B3GNT5: variants seen among roughly 807,000 people sequenced by gnomAD.
B3GNT5 encodes UDP-GlcNAc:betaGal beta-1,3-N-acetylglucosaminyltransferase 5.
Under a neutral mutation model 25.9 loss-of-function variants are expected in B3GNT5, and 11 were observed. The observed-to-expected ratio is 0.42, with a 90% CI of 0.27 to 0.70. The LOEUF is 0.70. Among genes scored for constraint, B3GNT5 ranks in the 30% least tolerant of loss-of-function variants. The probability of loss-of-function intolerance (pLI) is 0.23; values close to 1 mark genes in which losing one functional copy is unlikely to be tolerated. For synonymous variants in B3GNT5, 166 were observed against 158.6 expected (o/e 1.05, Z -0.35); for missense variants, 385 against 458.4 (o/e 0.84, Z 1.46).
Position 183,272,983 on chromosome 3 carries a change from T to G in B3GNT5, c.*2048T>G. ...AACAAGTTTAAATTTCAAGGAAATA[T>G]GAAGGCACTTCCTTTTTTTCTAAGA... On this transcript the variant is annotated 3_prime_UTR_variant, in exon 2 of 2. Coordinates refer to ENST00000326505, the MANE Select transcript of B3GNT5 (RefSeq NM_032047.5). 1.4e-6 allele frequency: 2 copies of G among 1,473,588 alleles called. No individual in the cohort carries two copies. The highest frequency in any genetic ancestry group is 1.8e-6 in the Non-Finnish European group (2 of 1,116,936). The allele number at this position is 1,473,588 out of a possible 1,614,324, so 91.3% of individuals were successfully genotyped here. A position where few individuals can be genotyped will look rare whatever the true frequency, so the allele number is the denominator to read the frequency against.
chr3:183,269,311 T>C (rs1046112176), intron 1 of B3GNT5, among the ~76,000 whole-genome samples, 187 bp from the exon 2 acceptor site: 1 of 148,672 alleles, frequency 6.7e-6, no homozygotes, highest in African/African-American at 2.5e-5. Flanking sequence ...AGCAATTTTT[T>C]CCCTTTTCCT....
At chr3:183,262,676 C>T (rs927455576) in intron 1 of B3GNT5, among the ~76,000 whole-genome samples, 1 of 150,660 alleles carries the variant, frequency 6.6e-6, no homozygotes, top group Middle Eastern at 3.2e-3. Context: ...CTGATGTCTC[C>T]TCCTTTCTCT....
At chr3:183,256,137 T>A (rs1162681213) in intron 1 of B3GNT5, among the ~76,000 whole-genome samples, 1 of 152,250 alleles carries the variant, frequency 6.6e-6, no homozygotes, top group African/African-American at 2.4e-5. Flanking sequence ...TGAATTTTTA[T>A]AATACATTAT....
At chr3:183,264,343 GTCCCAGAGACT>G (rs923526767) in intron 1 of B3GNT5, among the ~76,000 whole-genome samples, 1 of 152,164 alleles carries the variant, frequency 6.6e-6, no homozygotes, top group African/African-American at 2.4e-5. Flanking sequence ...TTCTCTACTA[GTCCCAGAGACT>G]TCCCTCTTGT....
At chr3:183,266,605 A>G (rs1415358621) in intron 1 of B3GNT5, among the ~76,000 whole-genome samples, 2 of 152,186 alleles carry the variant, frequency 1.3e-5, no homozygotes, top group Non-Finnish European at 1.5e-5. Flanking sequence ...TGAGAGAGCA[A>G]CTGAGAGAAA....
chr3:183,272,132 G>C lies in B3GNT5; in HGVS notation c.*1197G>C, dbSNP rs1035493622. 4.0e-6 allele frequency: 4 copies of C among 999,996 alleles called. No homozygotes were observed. The highest frequency in any genetic ancestry group is 4.8e-6 in the Non-Finnish European group (4 of 829,772). The allele number at this position is 999,996 out of a possible 1,614,324, so 61.9% of individuals were successfully genotyped here. A position where few individuals can be genotyped will look rare whatever the true frequency, so the allele number is the denominator to read the frequency against. On this transcript the variant is annotated 3_prime_UTR_variant, in exon 2 of 2. Coordinates refer to ENST00000326505, the MANE Select transcript of B3GNT5 (RefSeq NM_032047.5). ...AAGTGATAGAAAAGTTGCCAGTTTG[G>C]GGTTAAAGCATTTTTAAAGCTGCAT...
intron 1 of B3GNT5, among the ~76,000 whole-genome samples, chr3:183,268,549 GTGCAGTTAGGCACA>G (rs1322152959): frequency 6.6e-6 from 1 of 152,152 alleles, no homozygotes; most frequent in African/African-American, 2.4e-5. Flanking sequence ...GATGAAAGAA[GTGCAGTTAGGCACA>G]TGTAAAGAGA....
At position 183,272,976 on chromosome 3, in the gene B3GNT5, G is replaced by C. The variant is rs1366212921; in HGVS notation, c.*2041G>C. 6.9e-7 allele frequency: 1 copy of C among 1,454,616 alleles called. No individual in the cohort carries two copies. Among genetic ancestry groups the C allele is most frequent in the Non-Finnish European group, 9.0e-7 (1 of 1,107,262 alleles). 90.1% of individuals were successfully genotyped at this position (1,454,616 alleles called of 1,614,324 possible). A position where few individuals can be genotyped will look rare whatever the true frequency, so the allele number is the denominator to read the frequency against. Reference sequence around the variant, plus strand: ...AGAATGGAACAAGTTTAAATTTCAAGGAAATATGAAGGCACTTCCTTTTTT... The same window carrying C: ...AGAATGGAACAAGTTTAAATTTCAACGAAATATGAAGGCACTTCCTTTTTT... On this transcript the variant is annotated 3_prime_UTR_variant, in exon 2 of 2. Coordinates refer to ENST00000326505, the MANE Select transcript of B3GNT5 (RefSeq NM_032047.5).
At chr3:183,253,999 C>T (rs923413647) in intron 1 of B3GNT5, 3 of 152,110 alleles carry the variant, frequency 2.0e-5, no homozygotes, top group Non-Finnish European at 4.4e-5. Flanking sequence ...GTGCCGCGGC[C>T]CCGAGCTGGG....
At position 183,253,293 on chromosome 3, in the gene B3GNT5, AGC is replaced by A. The variant is rs1327456832; in HGVS notation, c.-478_-477del. ...CCCGCCGGGGAAGCGAGCCCAGTCC[AGC>A]GCTGCCCGTCCAGTCCTCGCCCAAG... is the stretch of plus-strand genomic sequence containing the variant. On this transcript the variant is annotated 5_prime_UTR_variant, in exon 1 of 2. Coordinates refer to ENST00000326505, the MANE Select transcript of B3GNT5 (RefSeq NM_032047.5). 7.0e-6 allele frequency: 1 copy of A among 143,412 alleles called. No homozygotes were observed. The highest frequency in any genetic ancestry group is 2.3e-4 in the East Asian group (1 of 4,378). The allele number at this position is 143,412 out of a possible 1,614,324, so 8.9% of individuals were successfully genotyped here. A position where few individuals can be genotyped will look rare whatever the true frequency, so the allele number is the denominator to read the frequency against.
chr3:183,257,958 CTTTTTTTTTTTTTT>C (rs35323502), intron 1 of B3GNT5, among the ~76,000 whole-genome samples: 24 of 64,724 alleles, frequency 3.7e-4, no homozygotes, highest in East Asian at 6.0e-4. Flanking sequence ...CCACTTCACC[CTTTTTTTTTTTTTT>C]TTTTTTTTTT....
Position 183,270,078 on chromosome 3 carries a change from G to A in B3GNT5, c.280G>A (p.Val94Ile). 1.9e-6 allele frequency: 3 copies of A among 1,614,128 alleles called. No homozygotes were observed. ...TCAAGACGTCCTCCTTTTACTGTTT[G>A]TAAAAACTGCTCCTGAAAACTATGA... Reference protein sequence around the residue: ...QAQDVLLLLFVKTAPENYDRR... With the variant: ...QAQDVLLLLFIKTAPENYDRR... The change falls in exon 2 of 2, where the codon GTA becomes ATA. Residue 94 changes from valine (V) to isoleucine (I), a missense_variant. By Grantham distance (29) the Val-to-Ile change is conservative. Transcript: ENST00000326505. This position sits in a 1 kb window ranked among gnomAD's most constrained non-coding sequence, Gnocchi z 4.5.
At chr3:183,254,971 C>T (rs1232217435) in intron 1 of B3GNT5, among the ~76,000 whole-genome samples, 1 of 152,238 alleles carries the variant, frequency 6.6e-6, no homozygotes, top group Non-Finnish European at 1.5e-5. Flanking sequence ...TGACTACACC[C>T]TGTACATTCT....
At chr3:183,262,493 G>A (rs1330734941) in intron 1 of B3GNT5, among the ~76,000 whole-genome samples, 1 of 151,984 alleles carries the variant, frequency 6.6e-6, no homozygotes, top group African/African-American at 2.4e-5. Context: ...ATATTATACT[G>A]ACTACGGAGT....
rs75166343 is a variant in B3GNT5 at position 183,264,860 on chromosome 3, C to A, written c.-301-4638C>A. 8.5e-3 allele frequency among the ~76,000 whole-genome samples: 1,289 copies of A among 152,256 alleles called. 7 individuals carry two copies. The highest frequency in any genetic ancestry group is 0.018 in the Admixed American group (274 of 15,298). On this transcript the variant is annotated intron_variant, in intron 1 of 1. Coordinates refer to ENST00000326505, the MANE Select transcript of B3GNT5 (RefSeq NM_032047.5). ...TATTCTTATGAGTAACTGAGGGGCA[C>A]GGCTCCTAGACTGAAAAGTATTTGG...
rs143089141 is a variant in B3GNT5, at chr3:183,259,221, T to C, written c.-302+5749T>C. On this transcript the variant is annotated intron_variant, in intron 1 of 1. Coordinates refer to ENST00000326505, the MANE Select transcript of B3GNT5 (RefSeq NM_032047.5). ...AAGCCAGCCTAACAAATCTCAAGAA[T>C]GTTTGAAAAATTCTAGCTTGAGTGA... Among the ~76,000 whole-genome samples, 352 of 152,296 alleles carry C rather than the reference T, an allele frequency of 2.3e-3. 2 individuals are homozygous for C. Among genetic ancestry groups the C allele is most frequent in the African/African-American group, 8.1e-3 (338 of 41,560 alleles).
rs1308574004 is a variant in B3GNT5, at chr3:183,267,574, T to C, written c.-301-1924T>C. On this transcript the variant is annotated intron_variant, in intron 1 of 1. Transcript: ENST00000326505. The surrounding 1 kb of genome is among the most constrained non-coding windows in gnomAD (Gnocchi z 5.5). The stretch of plus-strand genomic sequence containing the variant: ...GATCTCTGGGCACAAAGCAGGGCCT[T>C]TGCCCTGGGGCTTGCTATGTGGCTC... 6.6e-6 allele frequency among the ~76,000 whole-genome samples: 1 copy of C among 152,192 alleles called. No homozygotes were observed. Among genetic ancestry groups the C allele is most frequent in the Non-Finnish European group, 1.5e-5 (1 of 68,026 alleles).
chr3:183,267,644 A>G lies in B3GNT5; in HGVS notation c.-301-1854A>G, dbSNP rs1726287828. Among the ~76,000 whole-genome samples, 1 of 152,340 alleles carries G rather than the reference A, an allele frequency of 6.6e-6. No homozygotes were observed. The highest frequency in any genetic ancestry group is 1.9e-4 in the East Asian group (1 of 5,180). On this transcript the variant is annotated intron_variant, in intron 1 of 1. Transcript: ENST00000326505. The surrounding 1 kb of genome is among the most constrained non-coding windows in gnomAD (Gnocchi z 5.5). ...CCGTCAGTCCTGTCCAAAGCCCAGG[A>G]AACTAATGTACCACCCCCGAGGAAG... is the stretch of plus-strand genomic sequence containing the variant.
In B3GNT5 at chr3:183,273,254, TC is replaced by T. The variant is rs1359902680; in HGVS notation, c.*2320del. On this transcript the variant is annotated 3_prime_UTR_variant, in exon 2 of 2. Coordinates refer to ENST00000326505, the MANE Select transcript of B3GNT5 (RefSeq NM_032047.5). ...TTTTTTACCTTTTGGTTGGTTTGCA[TC>T]TTTTTTCCATATTGTTAATTTTATA... 5 of 367,536 alleles carry T rather than the reference TC, an allele frequency of 1.4e-5. No homozygotes were observed. The highest frequency in any genetic ancestry group is 2.1e-5 in the African/African-American group (1 of 47,772). The allele number at this position is 367,536 out of a possible 1,614,324, so 22.8% of individuals were successfully genotyped here.
Sources: allele counts gnomAD v4.1 joint callset (sites outside exome capture counted in the v4.1 genomes callset), GRCh38; gene constraint gnomAD v4.1.1; non-coding constraint Gnocchi (gnomAD v3.1); transcripts MANE v1.5; gene names NCBI Gene and HGNC (gene_info 2026-07-23, HGNC 2026-07-21).